PRKCZ: variants seen among roughly 807,000 people sequenced by gnomAD.
PRKCZ encodes the protein protein kinase C zeta type.
In PRKCZ, 33 loss-of-function variants were observed where a neutral mutation model predicts 79.5. The ratio of observed to expected loss-of-function variants is 0.41; its 90% CI spans 0.31 to 0.55. The LOEUF (loss-of-function observed/expected upper bound fraction) is 0.55. PRKCZ is among the 20% of genes least tolerant of loss of function. The pLI, the probability that PRKCZ is intolerant of heterozygous loss-of-function variation, is 0.19. For missense variants in PRKCZ, 578 were observed against 813.5 expected (o/e 0.71, Z 3.52); for synonymous variants, 342 against 320.9 (o/e 1.07, Z -0.70).
chr1:2,084,344 TGAGGGCGA>T (rs1219478124), intron 4 of PRKCZ, among the ~76,000 whole-genome samples: 3 of 152,190 alleles, frequency 2.0e-5, no homozygotes, highest in African/African-American at 7.2e-5. Context: ...CCCACGCTCA[TGAGGGCGA>T]GTGTGAAGAA....
chr1:2,093,938 G>A (rs957892274), intron 4 of PRKCZ, among the ~76,000 whole-genome samples: 5 of 152,244 alleles, frequency 3.3e-5, no homozygotes, highest in African/African-American at 1.2e-4. Flanking sequence ...GCTGAGTGTG[G>A]GGCCAGGGCA....
intron 4 of PRKCZ, among the ~76,000 whole-genome samples, chr1:2,067,389 G>A (rs1266482353): frequency 4.6e-5 from 7 of 152,148 alleles, no homozygotes; most frequent in East Asian, 1.9e-4. Context: ...CTGTCTGTCC[G>A]TTCCTCTGCT....
rs1553154019 is a variant in PRKCZ, at chr1:2,121,519, A to AGGTCATGGTGGTAGTTAG, written c.335-13735_335-13734insTGGTAGTTAGGGTCATGG. 4.4e-4 allele frequency among the ~76,000 whole-genome samples: 47 copies of AGGTCATGGTGGTAGTTAG among 105,874 alleles called. 2 individuals carry two copies. The highest frequency in any genetic ancestry group is 1.5e-3 in the African/African-American group (47 of 31,412). 69.5% of individuals were successfully genotyped at this position (105,874 alleles called of 152,430 possible). A position where few individuals can be genotyped will look rare whatever the true frequency, so the allele number is the denominator to read the frequency against. ...GTAGTTAGGATCATGGTGGTACTTA[A>AGGTCATGGTGGTAGTTAG]GGTCATGGCAGTAGTTAGGGTTATA... On this transcript the variant is annotated intron_variant, in intron 4 of 17. Transcript: ENST00000378567.
intron 4 of PRKCZ, among the ~76,000 whole-genome samples, chr1:2,108,028 G>A (rs1557579634): frequency 6.6e-6 from 1 of 152,242 alleles, no homozygotes; most frequent in Non-Finnish European, 1.5e-5. Flanking sequence ...CTGCCTCCGT[G>A]GGGTGCTGCC....
intron 4 of PRKCZ, among the ~76,000 whole-genome samples, chr1:2,080,733 C>T (rs1444197787): frequency 6.6e-6 from 1 of 152,166 alleles, no homozygotes; most frequent in Non-Finnish European, 1.5e-5. Flanking sequence ...CCTCCTGCCC[C>T]CTTTCTGTCC....
At chr1:2,166,997 C>T (rs1683465499) in intron 10 of PRKCZ, among the ~76,000 whole-genome samples, 1 of 152,246 alleles carries the variant, frequency 6.6e-6, no homozygotes, top group African/African-American at 2.4e-5. Context: ...TGTCAGCAGC[C>T]AGCTCAGCTT....
At chr1:2,051,655 G>A (rs1001125076) in intron 1 of PRKCZ, among the ~76,000 whole-genome samples, 1 of 152,220 alleles carries the variant, frequency 6.6e-6, no homozygotes, top group African/African-American at 2.4e-5. Flanking sequence ...GAGCCCCAGA[G>A]GCAGGGACGG....
At chr1:2,048,918 C>A (rs961598077), upstream of PRKCZ, among the ~76,000 whole-genome samples, 1 of 152,182 alleles carries the variant, frequency 6.6e-6, no homozygotes, top group Admixed American at 6.5e-5. Context: ...GTAATCCCAG[C>A]ACTTTGGGAA....
rs570471822 is a variant in PRKCZ, at chr1:2,100,335, C to A, written c.335-34927C>A. 1.3e-4 allele frequency among the ~76,000 whole-genome samples: 20 copies of A among 152,398 alleles called. 2 individuals carry two copies. The South Asian group carries it at 3.9e-3, about 30-fold the overall frequency. On this transcript the variant is annotated intron_variant, in intron 4 of 17. Transcript: ENST00000378567. ...GCAGCGTCTTCACCGCCTGGCTAAG[C>A]GGATGGCACAAGCTGCCAGCCAGAC...
intron 1 of PRKCZ, among the ~76,000 whole-genome samples, chr1:2,053,140 G>C (rs1323383899): frequency 6.7e-6 from 1 of 148,830 alleles, no homozygotes; most frequent in South Asian, 2.1e-4. Flanking sequence ...GAGTCTCGCT[G>C]TGTTGCCCAG....
intron 4 of PRKCZ, among the ~76,000 whole-genome samples, chr1:2,086,772 C>T (rs1206877549): frequency 6.6e-6 from 1 of 152,250 alleles, no homozygotes; most frequent in African/African-American, 2.4e-5. Context: ...TTCTCCACTT[C>T]TGAGTGGGGT....
At chr1:2,157,744 G>T (rs1473030484) in intron 10 of PRKCZ, among the ~76,000 whole-genome samples, 1 of 149,700 alleles carries the variant, frequency 6.7e-6, no homozygotes, top group Non-Finnish European at 1.5e-5. Context: ...ATAAAGATAG[G>T]GTCTTGCTCT....
chr1:2,131,867 A>G (rs1379980381), intron 4 of PRKCZ, among the ~76,000 whole-genome samples: 1 of 152,262 alleles, frequency 6.6e-6, no homozygotes, highest in African/African-American at 2.4e-5. Flanking sequence ...GCTGGAGTGC[A>G]GTGGCGCGAT....
At chr1:2,065,892 C>T (rs931822548) in intron 4 of PRKCZ, among the ~76,000 whole-genome samples, 11 of 152,072 alleles carry the variant, frequency 7.2e-5, no homozygotes, top group Non-Finnish European at 1.5e-4. Flanking sequence ...TCACATGCTT[C>T]TTCTGCATCA....
intron 5 of PRKCZ, among the ~76,000 whole-genome samples, chr1:2,137,794 C>T (rs1376842816): frequency 1.3e-5 from 2 of 152,174 alleles, no homozygotes; most frequent in East Asian, 3.9e-4. Flanking sequence ...TGAGCAAAAG[C>T]TTTTCCTTTC....
chr1:2,144,367 G>T, intron 6 of PRKCZ, 26 bp downstream of exon 6: 1 of 1,554,162 alleles, frequency 6.4e-7, no homozygotes, highest in East Asian at 2.4e-5. Flanking sequence ...GGGGAGGCCC[G>T]GGGGGCACGG....
At chr1:2,067,613 G>A (rs1661228289) in intron 4 of PRKCZ, among the ~76,000 whole-genome samples, 1 of 152,136 alleles carries the variant, frequency 6.6e-6, no homozygotes, top group African/African-American at 2.4e-5. Context: ...GTGCCGGGCT[G>A]CCCAGGGCCC....
chr1:2,173,644 C>T lies in PRKCZ; in HGVS notation c.1286-253C>T, dbSNP rs1684901597. Among the ~76,000 whole-genome samples the T allele has an allele frequency of 6.6e-6, 1 of 152,186 alleles. No individual in the cohort carries two copies. Among genetic ancestry groups the T allele is most frequent in the African/African-American group, 2.4e-5 (1 of 41,434 alleles). ...CCTCGTGCCGGTGTGGTCACAGGTGCCCTGGCAGGACCGACAGCCCAGAGG... is the reference window on the plus strand; with the variant it reads ...CCTCGTGCCGGTGTGGTCACAGGTGTCCTGGCAGGACCGACAGCCCAGAGG... On this transcript the variant is annotated intron_variant, in intron 13 of 17. Transcript: ENST00000378567. The surrounding 1 kb of genome is among the most constrained non-coding windows in gnomAD (Gnocchi z 5.7).
At chr1:2,112,396 G>T (rs927582877) in intron 4 of PRKCZ, among the ~76,000 whole-genome samples, 2 of 152,180 alleles carry the variant, frequency 1.3e-5, no homozygotes, top group Non-Finnish European at 2.9e-5. Flanking sequence ...ATTGCAATGA[G>T]GATGAACGAG....
Sources: allele counts gnomAD v4.1 joint callset (sites outside exome capture counted in the v4.1 genomes callset), GRCh38; gene constraint gnomAD v4.1.1; non-coding constraint Gnocchi (gnomAD v3.1); transcripts MANE v1.5; gene names NCBI Gene and HGNC (gene_info 2026-07-23, HGNC 2026-07-21).